The following ATL3 variants were observed in gnomAD, a reference collection of about 807,000 sequenced individuals.
ATL3 encodes atlastin-3.
Under a neutral mutation model 69.5 loss-of-function variants are expected in ATL3, and 49 were observed. That is an observed-to-expected ratio of 0.71 (90% CI 0.56 to 0.89). ATL3 has a LOEUF of 0.89. ATL3 is among the 40% of genes least tolerant of loss of function. The probability of loss-of-function intolerance (pLI) is 0.00; values close to 1 mark genes in which losing one functional copy is unlikely to be tolerated. For synonymous variants in ATL3, 214 were observed against 224.1 expected (o/e 0.95, Z 0.40); for missense variants, 606 against 645.7 (o/e 0.94, Z 0.67).
rs879072348 is a variant in ATL3 at position 63,632,194 on chromosome 11, C to T, written c.1108-723G>A. The stretch of plus-strand genomic sequence containing the variant: ...AATGAATTATAGAACAGATCTATGA[C>T]CAATGGTGGCAGAGTCTACATAGAA... On this transcript the variant is annotated intron_variant, in intron 11 of 12. Transcript: ENST00000398868. 6.6e-5 allele frequency: 38 copies of T among 573,086 alleles called. No individual in the cohort carries two copies. In the South Asian group the frequency reaches 7.5e-4, roughly 11 times the overall value. 35.5% of individuals were successfully genotyped at this position (573,086 alleles called of 1,614,324 possible). A position where few individuals can be genotyped will look rare whatever the true frequency, so the allele number is the denominator to read the frequency against.
chr11:63,644,572 A>G (rs1387030503), intron 6 of ATL3, among the ~76,000 whole-genome samples: 1 of 151,712 alleles, frequency 6.6e-6, no homozygotes, highest in East Asian at 1.9e-4. Flanking sequence ...TAATTTTTTT[A>G]TATAGACAAG....
intron 11 of ATL3, chr11:63,632,215 T>C (rs1314132198): frequency 3.1e-6 from 2 of 649,192 alleles, no homozygotes; most frequent in Non-Finnish European, 5.8e-6. Context: ...AGAGTCTACA[T>C]AGAACTATGC....
chr11:63,647,203 A>T (rs923708751), intron 5 of ATL3, among the ~76,000 whole-genome samples: 11 of 149,596 alleles, frequency 7.4e-5, no homozygotes, highest in African/African-American at 9.8e-5. Context: ...TTAAAAAAAA[A>T]TTTTTTTTTT....
chr11:63,652,225 TATATG>T (rs1258550993), intron 4 of ATL3, among the ~76,000 whole-genome samples: 2 of 152,236 alleles, frequency 1.3e-5, no homozygotes, highest in African/African-American at 4.8e-5. Context: ...CTGTATTTTC[TATATG>T]ATATAATAAA....
At chr11:63,652,022 C>T in intron 4 of ATL3, 36 bp from the exon 5 acceptor site, 2 of 1,581,970 alleles carry the variant, frequency 1.3e-6, no homozygotes, top group Non-Finnish European at 1.7e-6. Context: ...ACTACTCTGG[C>T]TTACTTCAAA....
chr11:63,646,383 C>A (rs1939880802), intron 6 of ATL3, 124 bp downstream of exon 6: 5 of 547,458 alleles, frequency 9.1e-6, no homozygotes, highest in African/African-American at 2.0e-5. Context: ...ATGTAAAAAC[C>A]ATTCTTAGCT....
intron 1 of ATL3, among the ~76,000 whole-genome samples, chr11:63,660,046 TAAAA>T (rs944217514): frequency 7.0e-5 from 10 of 142,046 alleles, no homozygotes; most frequent in Non-Finnish European, 1.5e-4. Context: ...AAAAAATAAA[TAAAA>T]TAAAATGTTG....
At chr11:63,643,142 T>C (rs922758842) in intron 8 of ATL3, among the ~76,000 whole-genome samples, 5 of 152,250 alleles carry the variant, frequency 3.3e-5, no homozygotes, top group African/African-American at 9.6e-5. Flanking sequence ...AGACTACTAA[T>C]GGATATGAAC....
chr11:63,650,150 A>G (rs776652485), intron 5 of ATL3, among the ~76,000 whole-genome samples: 3 of 152,166 alleles, frequency 2.0e-5, no homozygotes, highest in Non-Finnish European at 2.9e-5. Context: ...AGAACTGACA[A>G]GTTTATAATT....
chr11:63,671,509 G>T (rs1414312485), upstream of ATL3: 1 of 1,444,820 alleles, frequency 6.9e-7, no homozygotes, highest in Non-Finnish European at 9.1e-7. Context: ...CGCGGTCTGC[G>T]TGGCCCAACG....
intron 10 of ATL3, among the ~76,000 whole-genome samples, chr11:63,634,367 C>A (rs890472380): frequency 1.3e-5 from 2 of 151,020 alleles, no homozygotes; most frequent in African/African-American, 4.9e-5. Flanking sequence ...ATTAGCCGGG[C>A]GTGGTGGCAG....
chr11:63,630,830 C>T (rs563851722), intron 12 of ATL3, among the ~76,000 whole-genome samples: 23 of 150,098 alleles, frequency 1.5e-4, no homozygotes, highest in African/African-American at 5.6e-4. Flanking sequence ...GGGGCGGGGG[C>T]CTTTTTAGAC....
rs1354071068 is a variant in ATL3 at position 63,625,641 on chromosome 11, A to G, written c.*3678T>C. On this transcript the variant is annotated 3_prime_UTR_variant, in exon 13 of 13. Coordinates refer to ENST00000398868, the MANE Select transcript of ATL3 (RefSeq NM_015459.5). Reference sequence around the variant, plus strand: ...ATGAAACCAACCACCAGTACAAGGCAGTATTTTTGTGTGTTTGACCAAAGC... The same window carrying G: ...ATGAAACCAACCACCAGTACAAGGCGGTATTTTTGTGTGTTTGACCAAAGC... 2 of 152,356 alleles carry G rather than the reference A, an allele frequency of 1.3e-5. No individual in the cohort carries two copies. Among genetic ancestry groups the G allele is most frequent in the East Asian group, 3.9e-4 (2 of 5,192 alleles). 9.4% of individuals were successfully genotyped at this position (152,356 alleles called of 1,614,324 possible). A position where few individuals can be genotyped will look rare whatever the true frequency, so the allele number is the denominator to read the frequency against.
Position 63,659,042 on chromosome 11 carries a change from G to A in ATL3, c.257C>T (p.Ser86Phe). ...AATAAAATAATTCTATCTTACCTGA[G>A]AATATAAGTATCGTAGCATAAAATC... ...ILDFMLRYLY[S>F]QKESGHSNWL... The change falls in exon 2 of 13, where the codon TCT becomes TTT. Residue 86 changes from serine to phenylalanine, a missense_variant. Transcript: ENST00000398868. 6.2e-7 allele frequency: 1 copy of A among 1,613,798 alleles called. No individual in the cohort carries two copies. Among genetic ancestry groups the A allele is most frequent in the South Asian group, 1.1e-5 (1 of 91,072 alleles).
chr11:63,642,098 C>G (rs763545490), intron 8 of ATL3, among the ~76,000 whole-genome samples: 3 of 152,170 alleles, frequency 2.0e-5, no homozygotes, highest in Non-Finnish European at 4.4e-5. Flanking sequence ...ACACACTTAA[C>G]TTTCTCTCCC....
chr11:63,665,238 G>A (rs907123097), intron 1 of ATL3, among the ~76,000 whole-genome samples: 10 of 151,950 alleles, frequency 6.6e-5, no homozygotes, highest in East Asian at 1.9e-4. Flanking sequence ...CCAGCTACTC[G>A]GGAGGCTGAG....
At chr11:63,653,275 C>T (rs1341914677) in intron 3 of ATL3, among the ~76,000 whole-genome samples, 13 of 151,894 alleles carry the variant, frequency 8.6e-5, no homozygotes, top group African/African-American at 2.7e-4. Flanking sequence ...GAGACCAGCC[C>T]GGCTAACATG....
chr11:63,628,415 TG>T lies in ATL3; in HGVS notation c.*903del, dbSNP rs1210260581. ...GAGTATGGTATATTTAAATATGACA[TG>T]ATTTTTCCACACTATGTGGCAACAG... is the stretch of plus-strand genomic sequence containing the variant. On this transcript the variant is annotated 3_prime_UTR_variant, in exon 13 of 13. Coordinates refer to ENST00000398868, the MANE Select transcript of ATL3 (RefSeq NM_015459.5). 6.6e-6 allele frequency: 1 copy of T among 152,084 alleles called. No individual in the cohort carries two copies. The highest frequency in any genetic ancestry group is 1.5e-5 in the Non-Finnish European group (1 of 68,018). 9.4% of individuals were successfully genotyped at this position (152,084 alleles called of 1,614,324 possible). A position where few individuals can be genotyped will look rare whatever the true frequency, so the allele number is the denominator to read the frequency against.
chr11:63,643,331 G>T, intron 8 of ATL3, 26 bp downstream of exon 8: 1 of 1,559,800 alleles, frequency 6.4e-7, no homozygotes, highest in Non-Finnish European at 8.7e-7. Context: ...TCGAATCACA[G>T]GTTTAAAATA....
Sources: gnomAD v4.1 joint callset for allele counts (sites outside exome capture counted in the v4.1 genomes callset) on GRCh38, gnomAD v4.1.1 for gene constraint, MANE v1.5 for transcripts, NCBI Gene and HGNC (gene_info 2026-07-23, HGNC 2026-07-21) for gene names.